Variants in CCDC83 observed in about 807,000 individuals in gnomAD.
CCDC83 encodes the protein coiled-coil domain-containing protein 83.
Under a neutral mutation model 50.1 loss-of-function variants are expected in CCDC83, and 54 were observed. That is an observed-to-expected ratio of 1.08 (90% CI 0.87 to 1.35). The LOEUF is 1.35. Among genes scored for constraint, CCDC83 ranks in the 40% most tolerant of loss-of-function variants. CCDC83 has a pLI of 0.00. For missense variants in CCDC83, 518 were observed against 473.9 expected (o/e 1.09, Z -0.86); for synonymous variants, 161 against 153.3 (o/e 1.05, Z -0.37).
intron 1 of CCDC83, 63 bp from the exon 2 acceptor site, chr11:85,865,033 G>C: frequency 1.2e-6 from 1 of 814,108 alleles, no homozygotes; most frequent in East Asian, 2.4e-5. Context: ...CTTATCTAGA[G>C]TAAACAAAAG....
At chr11:85,856,136 A>T (rs2093139005) in intron 1 of CCDC83, among the ~76,000 whole-genome samples, 1 of 148,122 alleles carries the variant, frequency 6.8e-6, no homozygotes, top group Non-Finnish European at 1.5e-5. Flanking sequence ...GGCAAGAGAG[A>T]GAGTTGAGGA....
intron 4 of CCDC83, among the ~76,000 whole-genome samples, chr11:85,884,943 A>T (rs2093319292): frequency 6.6e-6 from 1 of 152,128 alleles, no homozygotes; most frequent in Admixed American, 6.5e-5. Context: ...AGGCATGGTG[A>T]CTCATACCTG....
intron 5 of CCDC83, among the ~76,000 whole-genome samples, chr11:85,894,439 G>A (rs2093363550): frequency 6.6e-6 from 1 of 152,140 alleles, no homozygotes; most frequent in Non-Finnish European, 1.5e-5. Context: ...ATTATTCTCA[G>A]ATTAACTCGT....
chr11:85,877,181 T>TTA (rs1211092570), intron 3 of CCDC83, among the ~76,000 whole-genome samples: 1 of 152,168 alleles, frequency 6.6e-6, no homozygotes, highest in African/African-American at 2.4e-5. Flanking sequence ...TTAATAATGC[T>TTA]TATGCAGGCC....
At chr11:85,860,027 G>T (rs538780626) in intron 1 of CCDC83, among the ~76,000 whole-genome samples, 1 of 152,250 alleles carries the variant, frequency 6.6e-6, no homozygotes, top group South Asian at 2.1e-4. Context: ...GGTGGCTCCC[G>T]CCTGTAATCC....
intron 2 of CCDC83, 49 bp downstream of exon 2, chr11:85,865,267 C>A: frequency 8.9e-7 from 1 of 1,119,544 alleles, no homozygotes; most frequent in South Asian, 1.3e-5. Context: ...AAAAGGCAGT[C>A]ATTGTTAAGA....
chr11:85,862,209 G>A (rs11234450), intron 1 of CCDC83, among the ~76,000 whole-genome samples: 9,712 of 151,948 alleles, frequency 0.064, 371 homozygotes, highest in South Asian at 0.095. Flanking sequence ...ACTGAGAGGC[G>A]TTTGGGAAAT....
intron 8 of CCDC83, among the ~76,000 whole-genome samples, chr11:85,914,106 C>T (rs2093466868): frequency 1.3e-5 from 2 of 152,136 alleles, no homozygotes; most frequent in South Asian, 4.1e-4. Context: ...CTAAACTTAC[C>T]TTAACTAAAG....
chr11:85,912,576 C>T (rs148116399), intron 8 of CCDC83: 12,753 of 849,106 alleles, frequency 0.015, 131 homozygotes, highest in Non-Finnish European at 0.021. Context: ...CCCTAGAGGG[C>T]CCCTAGGGGT....
chr11:85,910,759 G>T (rs948254701), intron 7 of CCDC83, among the ~76,000 whole-genome samples: 1 of 152,178 alleles, frequency 6.6e-6, no homozygotes, highest in African/African-American at 2.4e-5. Flanking sequence ...ATCTAAAAAT[G>T]ATTTCCACCT....
In CCDC83 at chr11:85,855,517, C is replaced by T. The variant is rs1399261916; in HGVS notation, c.-96C>T. ...TGATCAGAATGTTAACCCATCTCTC[C>T]GCCTTGCGGTAGAACCCCTGGATAC... On this transcript the variant is annotated 5_prime_UTR_variant, in exon 1 of 11. Transcript: ENST00000342404. The T allele has an allele frequency of 6.6e-6, 1 of 152,280 alleles. No individual in the cohort carries two copies. The highest frequency in any genetic ancestry group is 1.5e-5 in the Non-Finnish European group (1 of 68,074). The allele number at this position is 152,280 out of a possible 1,614,324, so 9.4% of individuals were successfully genotyped here. A position where few individuals can be genotyped will look rare whatever the true frequency, so the allele number is the denominator to read the frequency against.
chr11:85,869,173 A>G (rs1039250782), intron 2 of CCDC83, among the ~76,000 whole-genome samples: 1 of 152,246 alleles, frequency 6.6e-6, no homozygotes, highest in Non-Finnish European at 1.5e-5. Flanking sequence ...AATTGTTCAA[A>G]TATTCTGAAA....
In CCDC83 at chr11:85,883,791, C is replaced by T. The variant is rs555394550; in HGVS notation, c.343+1116C>T. On this transcript the variant is annotated intron_variant, in intron 4 of 10. Coordinates refer to ENST00000342404, the MANE Select transcript of CCDC83 (RefSeq NM_001286159.2). Reference sequence around the variant, plus strand: ...TGCCTACTTAGCTGAGCACTTTGCACACAGCAGGCTCTCCACTCAATAGAT... The same window carrying T: ...TGCCTACTTAGCTGAGCACTTTGCATACAGCAGGCTCTCCACTCAATAGAT... Among the ~76,000 whole-genome samples, 15 of 152,294 alleles carry T rather than the reference C, an allele frequency of 9.8e-5. No homozygotes were observed. In the South Asian group the frequency reaches 3.1e-3, roughly 32 times the overall value.
chr11:85,897,304 T>C (rs2093380121), intron 6 of CCDC83, among the ~76,000 whole-genome samples: 1 of 152,192 alleles, frequency 6.6e-6, no homozygotes, highest in African/African-American at 2.4e-5. Context: ...CTAGAGCAAG[T>C]GGGAGAATCG....
intron 1 of CCDC83, among the ~76,000 whole-genome samples, chr11:85,864,394 C>A (rs936136430): frequency 4.6e-5 from 7 of 152,114 alleles, no homozygotes; most frequent in African/African-American, 9.7e-5. Flanking sequence ...GTACCCAAAC[C>A]AAACCTATGA....
At chr11:85,890,546 C>A (rs990550735) in intron 5 of CCDC83, among the ~76,000 whole-genome samples, 1 of 152,140 alleles carries the variant, frequency 6.6e-6, no homozygotes, top group African/African-American at 2.4e-5. Flanking sequence ...CAGATGAAAT[C>A]CCATTTGAAA....
At chr11:85,856,459 A>G (rs2093141689) in intron 1 of CCDC83, among the ~76,000 whole-genome samples, 1 of 152,210 alleles carries the variant, frequency 6.6e-6, no homozygotes, top group African/African-American at 2.4e-5. Flanking sequence ...ACTGAAGGAC[A>G]GTAAGAGTGG....
At chr11:85,909,545 T>C (rs1253908806) in intron 7 of CCDC83, among the ~76,000 whole-genome samples, 2 of 151,020 alleles carry the variant, frequency 1.3e-5, no homozygotes, top group African/African-American at 4.9e-5. Flanking sequence ...TTCTATCTAG[T>C]AACATTCTTC....
chr11:85,885,908 G>A (rs2093324572), intron 4 of CCDC83, among the ~76,000 whole-genome samples: 1 of 152,180 alleles, frequency 6.6e-6, no homozygotes, highest in African/African-American at 2.4e-5. Flanking sequence ...TATCAGGAAT[G>A]ATGTAAACTT....
Sources: allele counts gnomAD v4.1 joint callset (sites outside exome capture counted in the v4.1 genomes callset), GRCh38; gene constraint gnomAD v4.1.1; transcripts MANE v1.5; gene names NCBI Gene and HGNC (gene_info 2026-07-23, HGNC 2026-07-21).